DCP2: variants seen among roughly 807,000 people sequenced by gnomAD.
The protein encoded by DCP2 is m7GpppN-mRNA hydrolase.
Under a neutral mutation model 56.1 loss-of-function variants are expected in DCP2, and 30 were observed. The ratio of observed to expected loss-of-function variants is 0.53; its 90% confidence interval spans 0.40 to 0.73. DCP2 has a LOEUF of 0.73. Ranked by LOEUF, DCP2 falls within the 30% of genes least tolerant of loss-of-function variation. The probability of loss-of-function intolerance (pLI) is 0.00; values close to 1 mark genes in which losing one functional copy is unlikely to be tolerated. For synonymous variants in DCP2, 197 were observed against 163.3 expected (o/e 1.21, Z -1.57); for missense variants, 533 against 502.7 (o/e 1.06, Z -0.58).
chr5:113,013,407 A>C lies in DCP2; in HGVS notation c.1186A>C (p.Lys396Gln). Residue 396 changes from lysine (K) to glutamine (Q), a missense_variant, in exon 11 of 11, where the codon AAG becomes CAG. Transcript: ENST00000389063. Reference protein sequence around the residue: ...GQPVACNGHCKFPFSSRAFLS... With the variant: ...GQPVACNGHCQFPFSSRAFLS... The stretch of plus-strand genomic sequence containing the variant: ...GCCCGTGGCATGTAATGGACATTGC[A>C]AGTTCCCCTTTTCATCCAGAGCCTT... 6.2e-7 allele frequency: 1 copy of C among 1,614,156 alleles called. No homozygotes were observed.
At chr5:113,013,200 TAG>T in intron 10 of DCP2, 119 bp from the exon 11 acceptor site, 1 of 1,023,068 alleles carries the variant, frequency 9.8e-7, no homozygotes, top group Non-Finnish European at 1.4e-6. Flanking sequence ...TGTTTAGGGT[TAG>T]AGTCTGGGAA....
At chr5:113,001,013 G>C in intron 4 of DCP2, 71 bp from the exon 5 acceptor site, 1 of 1,412,510 alleles carries the variant, frequency 7.1e-7, no homozygotes, top group South Asian at 1.4e-5. Flanking sequence ...TTTTTGTCTT[G>C]GGAATAAATT....
chr5:112,980,771 C>T (rs528217034), intron 1 of DCP2, among the ~76,000 whole-genome samples: 1 of 152,050 alleles, frequency 6.6e-6, no homozygotes, highest in African/African-American at 2.4e-5. Flanking sequence ...CTTTCCCTAC[C>T]CTTTTCTATT....
At chr5:112,979,620 T>G (rs1022669580) in intron 1 of DCP2, among the ~76,000 whole-genome samples, 1 of 152,306 alleles carries the variant, frequency 6.6e-6, no homozygotes, top group East Asian at 1.9e-4. Flanking sequence ...AAATTACATG[T>G]TTCTGTTAAA....
In DCP2 at chr5:113,019,664, C is replaced by A. The variant is rs1750026576; in HGVS notation, c.*6180C>A. ...CAGGGAAGGACAATAAAACCATGAA[C>A]TATTTTGCTTTATGTCTGTTTTTAA... On this transcript the variant is annotated 3_prime_UTR_variant, in exon 11 of 11. Transcript: ENST00000389063. 6.6e-6 allele frequency: 1 copy of A among 152,094 alleles called. No homozygotes were observed. Among genetic ancestry groups the A allele is most frequent in the South Asian group, 2.1e-4 (1 of 4,826 alleles). 9.4% of individuals were successfully genotyped at this position (152,094 alleles called of 1,614,324 possible).
chr5:112,981,054 G>A (rs1038899952), intron 1 of DCP2, among the ~76,000 whole-genome samples: 1 of 151,590 alleles, frequency 6.6e-6, no homozygotes. Context: ...ACAGGGTCTT[G>A]CACCATTGCC....
rs369825593 is a variant in DCP2 at position 112,992,177 on chromosome 5, G to A, written c.262G>A (p.Asp88Asn). ...AGGTGAAGATGTGGAAAAAGTTTTG[G>A]ATGAATGGAAGGAATATAAAATGGG... ...PQGEDVEKVL[D>N]EWKEYKMGVP... The change falls in exon 3 of 11, where the codon GAT becomes AAT. Residue 88 changes from aspartate to asparagine, a missense_variant. Physicochemically the swap from Asp to Asn is conservative, Grantham distance 23 (BLOSUM62 1). Around this residue, in one of 3 missense-constraint regions of DCP2, gnomAD observed 137 missense variants for 138.2 expected, o/e 0.99. Coordinates refer to ENST00000389063, the MANE Select transcript of DCP2 (RefSeq NM_152624.6). 1.9e-6 allele frequency: 3 copies of A among 1,613,918 alleles called. No individual in the cohort carries two copies. The African/African-American group carries it at 4.0e-5, about 22-fold the overall frequency.
intron 4 of DCP2, among the ~76,000 whole-genome samples, chr5:112,998,516 G>A (rs925691401): frequency 3.3e-5 from 5 of 152,142 alleles, no homozygotes; most frequent in African/African-American, 1.2e-4. Context: ...CTTAAAGGGT[G>A]CTGCTTGCGT....
At chr5:112,982,803 T>C (rs1236509892) in intron 1 of DCP2, among the ~76,000 whole-genome samples, 2 of 152,362 alleles carry the variant, frequency 1.3e-5, no homozygotes. Flanking sequence ...TCCTCAATTA[T>C]GTTTTCTTCA....
At chr5:112,986,732 C>T (rs1038009553) in intron 2 of DCP2, among the ~76,000 whole-genome samples, 3 of 152,110 alleles carry the variant, frequency 2.0e-5, no homozygotes, top group East Asian at 1.9e-4. Flanking sequence ...GGTGCAGTGG[C>T]TCACACCTAT....
Position 113,018,320 on chromosome 5 carries a change from C to G in DCP2, c.*4836C>G, listed in dbSNP as rs779396433. 1 of 152,146 alleles carries G rather than the reference C, an allele frequency of 6.6e-6. No homozygotes were observed. The highest frequency in any genetic ancestry group is 1.5e-5 in the Non-Finnish European group (1 of 68,018). 9.4% of individuals were successfully genotyped at this position (152,146 alleles called of 1,614,324 possible). A position where few individuals can be genotyped will look rare whatever the true frequency, so the allele number is the denominator to read the frequency against. On this transcript the variant is annotated 3_prime_UTR_variant, in exon 11 of 11. Transcript: ENST00000389063. ...TCTTGAGAATTGTTCATAATGAAATCTTTAATCTGGGTTATCAGAGTAATG... is the reference window on the plus strand; with the variant it reads ...TCTTGAGAATTGTTCATAATGAAATGTTTAATCTGGGTTATCAGAGTAATG...
chr5:113,006,988 A>G (rs909579492), intron 8 of DCP2, among the ~76,000 whole-genome samples: 2 of 152,026 alleles, frequency 1.3e-5, no homozygotes, highest in South Asian at 2.1e-4. Context: ...AAATACAAAA[A>G]TTAGCCGGGC....
intron 9 of DCP2, among the ~76,000 whole-genome samples, chr5:113,010,470 T>A (rs1338018690): frequency 3.3e-5 from 5 of 152,122 alleles, no homozygotes; most frequent in Non-Finnish European, 2.9e-5. Flanking sequence ...CCTCTCAAAG[T>A]GCTAGGATTA....
chr5:113,007,112 C>T (rs1041947146), intron 8 of DCP2, among the ~76,000 whole-genome samples: 1 of 151,482 alleles, frequency 6.6e-6, no homozygotes, highest in African/African-American at 2.4e-5. Context: ...GCCTGGGCAA[C>T]AAAGTGAGAC....
At chr5:112,998,536 C>T (rs1157049428) in intron 4 of DCP2, among the ~76,000 whole-genome samples, 1 of 152,164 alleles carries the variant, frequency 6.6e-6, no homozygotes, top group African/African-American at 2.4e-5. Context: ...TTATTCATTA[C>T]TAAATTCACT....
chr5:112,998,282 C>T (rs1329074034), intron 4 of DCP2, among the ~76,000 whole-genome samples: 1 of 152,182 alleles, frequency 6.6e-6, no homozygotes, highest in Admixed American at 6.5e-5. Context: ...CCATTCCTGG[C>T]TATCTAAACA....
chr5:113,012,469 G>T (rs753905395), intron 10 of DCP2, among the ~76,000 whole-genome samples: 94 of 152,230 alleles, frequency 6.2e-4, no homozygotes, highest in Non-Finnish European at 1.3e-3. Context: ...GTCCTGGGAA[G>T]CCTCATCCTC....
chr5:113,001,319 A>G, intron 5 of DCP2, 38 bp from the exon 6 acceptor site: 1 of 1,597,996 alleles, frequency 6.3e-7, no homozygotes, highest in Non-Finnish European at 8.5e-7. Flanking sequence ...CTCCTTGATA[A>G]AAATTAACTA....
At chr5:112,982,019 T>C (rs866541271) in intron 1 of DCP2, among the ~76,000 whole-genome samples, 1 of 152,154 alleles carries the variant, frequency 6.6e-6, no homozygotes, top group Non-Finnish European at 1.5e-5. Flanking sequence ...CCGCCTGCCA[T>C]GGCCTCCCAA....
Sources: allele counts gnomAD v4.1 joint callset (sites outside exome capture counted in the v4.1 genomes callset), GRCh38; gene constraint gnomAD v4.1.1; regional missense constraint gnomAD v4.1.1; transcripts MANE v1.5; gene names NCBI Gene and HGNC (gene_info 2026-07-23, HGNC 2026-07-21).